Variants in LUZP2 observed in about 807,000 individuals in gnomAD.
The protein encoded by LUZP2 is leucine zipper protein 2.
LUZP2 carries 52 observed loss-of-function variants against 51.6 expected under a neutral mutation model. That is an observed-to-expected ratio of 1.01 (90% confidence interval 0.81 to 1.27). The LOEUF is 1.27. Ranked by LOEUF, LUZP2 falls within the 50% of genes most tolerant of loss-of-function variation. LUZP2 has a pLI of 0.00. For missense variants in LUZP2, 436 were observed against 395.4 expected (o/e 1.10, Z -0.87); for synonymous variants, 154 against 137.3 (o/e 1.12, Z -0.85).
intron 6 of LUZP2, among the ~76,000 whole-genome samples, chr11:24,907,425 AG>A (rs888793849): frequency 7.9e-4 from 121 of 152,262 alleles, no homozygotes; most frequent in African/African-American, 2.8e-3. Context: ...AAAAACTAAA[AG>A]ATGATGTTCC....
At chr11:25,051,892 T>G (rs1456031645) in intron 10 of LUZP2, among the ~76,000 whole-genome samples, 1 of 152,174 alleles carries the variant, frequency 6.6e-6, no homozygotes, top group Non-Finnish European at 1.5e-5. Flanking sequence ...TATTGAAGCC[T>G]CCTTCAAATC....
intron 1 of LUZP2, among the ~76,000 whole-genome samples, chr11:24,602,004 ATATGTATATATGTATATATG>A (rs1853680671): frequency 1.4e-5 from 2 of 143,986 alleles, no homozygotes; most frequent in African/African-American, 5.1e-5. Context: ...ATATGTATAT[ATATGTATATATGTATATATG>A]TGTATATATG....
At chr11:24,785,116 T>G (rs564850693) in intron 5 of LUZP2, among the ~76,000 whole-genome samples, 1 of 152,184 alleles carries the variant, frequency 6.6e-6, no homozygotes, top group African/African-American at 2.4e-5. Flanking sequence ...TTGGAAGATA[T>G]CTCTTCTATG....
chr11:24,847,297 G>T (rs1188534040), intron 5 of LUZP2, among the ~76,000 whole-genome samples: 1 of 151,852 alleles, frequency 6.6e-6, no homozygotes, highest in Non-Finnish European at 1.5e-5. Flanking sequence ...TCCAATCTAA[G>T]ATCACTCATT....
rs534147276 is a variant in LUZP2 at position 24,761,942 on chromosome 11, G to A, written c.334-1304G>A. ...GTTCAGTATAGTGGTTACCTGGGGG[G>A]GTGGGGGTGAAGAAAGGAATAGAAG... On this transcript the variant is annotated intron_variant, in intron 4 of 11. Coordinates refer to ENST00000336930, the MANE Select transcript of LUZP2 (RefSeq NM_001009909.4). Among the ~76,000 whole-genome samples the A allele has an allele frequency of 4.6e-5, 7 of 151,486 alleles. 1 individual carries two copies. The South Asian group carries it at 1.5e-3, about 32-fold the overall frequency.
chr11:24,787,178 G>T (rs1388462195), intron 5 of LUZP2, among the ~76,000 whole-genome samples: 2 of 152,138 alleles, frequency 1.3e-5, no homozygotes, highest in East Asian at 1.9e-4. Flanking sequence ...TTTAAAGTAA[G>T]CTTATTTAAA....
rs1387044713 is a variant in LUZP2 at position 24,918,189 on chromosome 11, TC to T, written c.522+3653del. On this transcript the variant is annotated intron_variant, in intron 7 of 11. Coordinates refer to ENST00000336930, the MANE Select transcript of LUZP2 (RefSeq NM_001009909.4). ...GTGATTTTTGGACATTGATTTTGCA[TC>T]CTGAGACTTTGCTGAAGTTGCTTAT... Among the ~76,000 whole-genome samples the T allele has an allele frequency of 7.9e-5, 12 of 152,156 alleles. No individual in the cohort carries two copies. In the South Asian group the frequency reaches 1.9e-3, roughly 24 times the overall value.
At chr11:24,828,752 C>A (rs573035426) in intron 5 of LUZP2, among the ~76,000 whole-genome samples, 1 of 152,214 alleles carries the variant, frequency 6.6e-6, no homozygotes, top group Admixed American at 6.5e-5. Context: ...TCTCAGAGAT[C>A]TTCAAGCTGG....
intron 5 of LUZP2, among the ~76,000 whole-genome samples, chr11:24,801,842 C>A (rs1849705444): frequency 1.3e-5 from 2 of 149,636 alleles, no homozygotes; most frequent in East Asian, 1.9e-4. Flanking sequence ...TAATAGCTGT[C>A]CCAATTTTGA....
intron 1 of LUZP2, among the ~76,000 whole-genome samples, chr11:24,544,152 T>C (rs545194052): frequency 1.3e-5 from 2 of 152,104 alleles, no homozygotes; most frequent in South Asian, 4.1e-4. Context: ...GAGAAACAAC[T>C]GGGGGTGATG....
intron 2 of LUZP2, 95 bp from the exon 3 acceptor site, chr11:24,732,021 CAT>C: frequency 1.3e-6 from 1 of 788,126 alleles, no homozygotes; most frequent in Non-Finnish European, 2.0e-6. Context: ...TGTTCCAGGG[CAT>C]ATGTGCAGTC....
chr11:24,546,769 G>A (rs1851557148), intron 1 of LUZP2, among the ~76,000 whole-genome samples: 1 of 152,020 alleles, frequency 6.6e-6, no homozygotes, highest in South Asian at 2.1e-4. Flanking sequence ...TTTTGTATCA[G>A]AATGATGCTG....
intron 4 of LUZP2, among the ~76,000 whole-genome samples, chr11:24,744,394 A>G (rs1156912594): frequency 1.3e-5 from 2 of 151,894 alleles, no homozygotes; most frequent in African/African-American, 2.4e-5. Context: ...GCTGTTTGTT[A>G]TTGGTCTGTT....
chr11:24,549,357 C>T (rs896653780), intron 1 of LUZP2, among the ~76,000 whole-genome samples: 4 of 152,068 alleles, frequency 2.6e-5, no homozygotes, highest in Admixed American at 6.6e-5. Context: ...ACACACGGAG[C>T]TGTCCTCTCC....
At position 24,632,219 on chromosome 11, in the gene LUZP2, G is replaced by A. The variant is rs184886780; in HGVS notation, c.63-96950G>A. 9.6e-4 allele frequency among the ~76,000 whole-genome samples: 146 copies of A among 151,972 alleles called. 2 individuals are homozygous for A. The highest frequency in any genetic ancestry group is 3.2e-3 in the African/African-American group (131 of 41,508). ...AAGGAACTTGTGTGGGTATCAGGAT[G>A]CCATTGTATAACTCAAAATAGAATA... On this transcript the variant is annotated intron_variant, in intron 1 of 11. Coordinates refer to ENST00000336930, the MANE Select transcript of LUZP2 (RefSeq NM_001009909.4).
intron 7 of LUZP2, among the ~76,000 whole-genome samples, chr11:24,924,509 A>G (rs530330373): frequency 3.3e-4 from 50 of 152,208 alleles, no homozygotes; most frequent in Admixed American, 8.5e-4. Context: ...TGATTTTATG[A>G]TCCTTTTTCC....
At chr11:24,670,154 A>T (rs958790258) in intron 1 of LUZP2, among the ~76,000 whole-genome samples, 2 of 152,100 alleles carry the variant, frequency 1.3e-5, no homozygotes, top group African/African-American at 4.8e-5. Flanking sequence ...TCTACTTAAA[A>T]ATATAGTGTT....
At chr11:24,652,095 C>T (rs12270984) in intron 1 of LUZP2, among the ~76,000 whole-genome samples, 67,782 of 138,398 alleles carry the variant, frequency 0.49, 15,627 homozygotes, top group South Asian at 0.56. Context: ...ACATGTTGTG[C>T]ATGTGTGTAT....
chr11:24,671,779 C>T (rs1856408918), intron 1 of LUZP2, among the ~76,000 whole-genome samples: 1 of 152,124 alleles, frequency 6.6e-6, no homozygotes, highest in Admixed American at 6.6e-5. Context: ...TGTACTAAAT[C>T]TTCCAAAACA....
Sources: gnomAD v4.1 joint callset for allele counts (sites outside exome capture counted in the v4.1 genomes callset) on GRCh38, gnomAD v4.1.1 for gene constraint, MANE v1.5 for transcripts, NCBI Gene and HGNC (gene_info 2026-07-23, HGNC 2026-07-21) for gene names.